The following SOX5 variants were observed in gnomAD, a reference collection of about 807,000 sequenced individuals.
SOX5 encodes the protein SRY-box transcription factor 5, also known as transcription factor SOX-5.
SOX5 carries 9 observed loss-of-function variants against 92.0 expected under a neutral mutation model. That is an observed-to-expected ratio of 0.10 (90% CI 0.06 to 0.17). The LOEUF (loss-of-function observed/expected upper bound fraction) is 0.17, where lower values mean the gene tolerates loss of function less well. SOX5 is among the 10% of genes least tolerant of loss of function. SOX5 has a pLI of 1.00. For synonymous variants in SOX5, 344 were observed against 336.3 expected (o/e 1.02, Z -0.25); for missense variants, 642 against 944.5 (o/e 0.68, Z 4.20).
At chr12:23,901,965 A>C (rs1213350956) in intron 1 of SOX5, among the ~76,000 whole-genome samples, 1 of 152,214 alleles carries the variant, frequency 6.6e-6, no homozygotes, top group Non-Finnish European at 1.5e-5. Flanking sequence ...AGCATAAAGG[A>C]ATTGGTAAGC....
At chr12:23,971,208 C>T (rs185323244) in intron 4 of SOX5, among the ~76,000 whole-genome samples, 1,584 of 144,116 alleles carry the variant, frequency 0.011, 17 homozygotes, top group Non-Finnish European at 0.019. Flanking sequence ...CTGCAAGCTC[C>T]GCCTCCTGGG....
At chr12:24,473,604 T>G (rs1241304798) in intron 1 of SOX5, among the ~76,000 whole-genome samples, 2 of 152,234 alleles carry the variant, frequency 1.3e-5, no homozygotes, top group Non-Finnish European at 2.9e-5. Context: ...TAGGTTTTTT[T>G]GCTCCAGATC....
chr12:24,090,948 G>A (rs1311039459), intron 4 of SOX5, among the ~76,000 whole-genome samples: 1 of 152,090 alleles, frequency 6.6e-6, no homozygotes, highest in Non-Finnish European at 1.5e-5. Flanking sequence ...GAGAACTGTC[G>A]ACACCTTATG....
At chr12:23,854,617 T>C (rs533262076) in intron 2 of SOX5, among the ~76,000 whole-genome samples, 5 of 152,130 alleles carry the variant, frequency 3.3e-5, no homozygotes, top group Non-Finnish European at 7.4e-5. Flanking sequence ...TTTCATTCAC[T>C]CTATTTTCTC....
At chr12:24,021,964 T>C (rs747720830) in intron 4 of SOX5, among the ~76,000 whole-genome samples, 1 of 152,236 alleles carries the variant, frequency 6.6e-6, no homozygotes, top group Non-Finnish European at 1.5e-5. Context: ...ATGTATATTA[T>C]GTATTTGTTC....
intron 6 of SOX5, among the ~76,000 whole-genome samples, chr12:23,671,221 A>G (rs1372563886): frequency 6.6e-6 from 1 of 152,150 alleles, no homozygotes; most frequent in African/African-American, 2.4e-5. Flanking sequence ...TACATACACA[A>G]ATGTTAAAAT....
intron 1 of SOX5, among the ~76,000 whole-genome samples, chr12:24,405,597 G>A (rs576796053): frequency 1.3e-5 from 2 of 152,286 alleles, no homozygotes; most frequent in East Asian, 1.9e-4. Flanking sequence ...TAAGGCATGT[G>A]TGTACATCAG....
At chr12:24,253,947 A>T (rs935190239) in intron 3 of SOX5, among the ~76,000 whole-genome samples, 21 of 152,178 alleles carry the variant, frequency 1.4e-4, no homozygotes, top group Admixed American at 1.4e-3. Context: ...ATCTATAAAA[A>T]TGTAGATGAT....
chr12:23,649,291 A>G (rs899280604), intron 7 of SOX5, among the ~76,000 whole-genome samples: 1 of 151,980 alleles, frequency 6.6e-6, no homozygotes, highest in Non-Finnish European at 1.5e-5. Flanking sequence ...GAAAAAAAAA[A>G]GAGTTTTTAT....
intron 1 of SOX5, among the ~76,000 whole-genome samples, chr12:24,560,599 A>G (rs1954240918): frequency 6.6e-6 from 1 of 152,228 alleles, no homozygotes; most frequent in Admixed American, 6.5e-5. Context: ...ATTTGAAACC[A>G]GATTCCTTCC....
rs60460683 is a variant in SOX5, at chr12:23,534,704, C to CT, written c.1989-183dup. Among the ~76,000 whole-genome samples the CT allele has an allele frequency of 6.2e-3, 678 of 108,794 alleles. 3 individuals are homozygous for CT. The highest frequency in any genetic ancestry group is 0.015 in the Middle Eastern group (3 of 198). The allele number at this position is 108,794 out of a possible 152,430, so 71.4% of individuals were successfully genotyped here. ...TAATACCTTGTTTTTCTTTTCTTTT[C>CT]TTTTTTTTTTTTTTTTTTTGAGATG... On this transcript the variant is annotated intron_variant, in intron 14 of 14. Coordinates refer to ENST00000451604, the MANE Select transcript of SOX5 (RefSeq NM_006940.6).
chr12:23,607,344 A>C (rs999123265), intron 8 of SOX5, among the ~76,000 whole-genome samples: 15 of 152,228 alleles, frequency 9.9e-5, no homozygotes, highest in Non-Finnish European at 2.1e-4. Flanking sequence ...AGATAAGATC[A>C]ATCAGGAATT....
intron 4 of SOX5, among the ~76,000 whole-genome samples, chr12:24,045,781 C>G (rs1373553322): frequency 6.6e-6 from 1 of 152,226 alleles, no homozygotes; most frequent in African/African-American, 2.4e-5. Flanking sequence ...TCCCTCTGTA[C>G]AGGGGAATCC....
At chr12:23,869,956 C>A (rs1158242169) in intron 2 of SOX5, among the ~76,000 whole-genome samples, 1 of 152,094 alleles carries the variant, frequency 6.6e-6, no homozygotes, top group Non-Finnish European at 1.5e-5. Flanking sequence ...GTGCTTTTCT[C>A]ATGTTGAAAT....
At chr12:23,702,316 G>A (rs1055164717) in intron 6 of SOX5, among the ~76,000 whole-genome samples, 5 of 152,000 alleles carry the variant, frequency 3.3e-5, no homozygotes, top group Non-Finnish European at 7.4e-5. Flanking sequence ...TTATGCCTAA[G>A]TATATATTCA....
chr12:23,627,230 A>T (rs368067193), intron 8 of SOX5, among the ~76,000 whole-genome samples: 75 of 152,332 alleles, frequency 4.9e-4, no homozygotes, highest in African/African-American at 1.8e-3. Context: ...AGAAAGAGAG[A>T]CATAGATTAT....
chr12:24,515,227 G>T (rs1369592401), intron 1 of SOX5, among the ~76,000 whole-genome samples: 1 of 152,092 alleles, frequency 6.6e-6, no homozygotes, highest in Non-Finnish European at 1.5e-5. Context: ...GGCATGTGTT[G>T]TTATTTGTGT....
rs1251076627 is a variant in SOX5, at chr12:24,065,659, A to G, written c.-2+147684T>C. The stretch of plus-strand genomic sequence containing the variant: ...AGACTCCATCTCAAAAAAAAAAAAA[A>G]AAAAAAAGAAAAGAAAAAAGAAAAA... On this transcript the variant is annotated intron_variant, in intron 4 of 4. Coordinates refer to the SOX5 transcript ENST00000446891. 2.4e-3 allele frequency among the ~76,000 whole-genome samples: 284 copies of G among 116,118 alleles called. 1 individual carries two copies. The highest frequency in any genetic ancestry group is 7.2e-3 in the African/African-American group (277 of 38,692). 76.2% of individuals were successfully genotyped at this position (116,118 alleles called of 152,430 possible). A position where few individuals can be genotyped will look rare whatever the true frequency, so the allele number is the denominator to read the frequency against.
At chr12:23,796,009 C>A (rs564814920) in intron 3 of SOX5, among the ~76,000 whole-genome samples, 7 of 152,224 alleles carry the variant, frequency 4.6e-5, no homozygotes, top group African/African-American at 1.7e-4. Flanking sequence ...GCCTGATGTG[C>A]AGCTGTCATT....
Sources: allele counts gnomAD v4.1 joint callset (sites outside exome capture counted in the v4.1 genomes callset), GRCh38; gene constraint gnomAD v4.1.1; transcripts MANE v1.5; gene names NCBI Gene and HGNC (gene_info 2026-07-23, HGNC 2026-07-21).